Variants in RBM20 observed in about 807,000 individuals in gnomAD.
The protein encoded by RBM20 is RNA binding motif protein 20, also known as RNA-binding protein 20.
RBM20 carries 51 observed loss-of-function variants against 110.1 expected under a neutral mutation model. The observed-to-expected ratio is 0.46, with a 90% confidence interval of 0.37 to 0.59. The LOEUF is 0.59. Ranked by LOEUF, RBM20 falls within the 20% of genes least tolerant of loss-of-function variation. The probability of loss-of-function intolerance (pLI) is 0.00; values close to 1 mark genes in which losing one functional copy is unlikely to be tolerated. For synonymous variants in RBM20, 589 were observed against 618.2 expected (o/e 0.95, Z 0.70); for missense variants, 1,512 against 1,574.9 (o/e 0.96, Z 0.68).
intron 13 of RBM20, among the ~76,000 whole-genome samples, chr10:110,832,647 T>G (rs1416191148): frequency 6.6e-6 from 1 of 152,232 alleles, no homozygotes; most frequent in Admixed American, 6.5e-5. Context: ...GGTGAGTTAT[T>G]GGGCCTAGGA....
chr10:110,765,048 A>G (rs751138486), intron 1 of RBM20, among the ~76,000 whole-genome samples: 3 of 152,194 alleles, frequency 2.0e-5, no homozygotes, highest in Non-Finnish European at 4.4e-5. Context: ...GACCTAAAAC[A>G]GCTCCTCATG....
chr10:110,811,368 CCAAA>C (rs1462171943), intron 8 of RBM20, among the ~76,000 whole-genome samples: 2 of 152,216 alleles, frequency 1.3e-5, no homozygotes, highest in African/African-American at 4.8e-5. Context: ...TGCTTAATAA[CCAAA>C]CAGCCTTCAG....
intron 1 of RBM20, among the ~76,000 whole-genome samples, chr10:110,713,321 T>C (rs1862967414): frequency 6.6e-6 from 1 of 152,234 alleles, no homozygotes; most frequent in South Asian, 2.1e-4. Flanking sequence ...TTAGCTAGTA[T>C]TATAACTGTT....
At chr10:110,774,565 A>G (rs1295888163) in intron 1 of RBM20, among the ~76,000 whole-genome samples, 1 of 151,640 alleles carries the variant, frequency 6.6e-6, no homozygotes, top group Non-Finnish European at 1.5e-5. Flanking sequence ...GGACAGAGGC[A>G]GCCTGCATTC....
chr10:110,669,248 C>T (rs1358908400), intron 1 of RBM20, among the ~76,000 whole-genome samples: 1 of 152,096 alleles, frequency 6.6e-6, no homozygotes, highest in African/African-American at 2.4e-5. Flanking sequence ...TTCCAGATAG[C>T]CTGAGAGGGA....
chr10:110,774,582 C>G (rs7909374), intron 1 of RBM20, among the ~76,000 whole-genome samples: 3,105 of 152,132 alleles, frequency 0.02, 108 homozygotes, highest in African/African-American at 0.071. Context: ...ATTCCAGTCC[C>G]AGCTCTTCTC....
intron 1 of RBM20, among the ~76,000 whole-genome samples, chr10:110,662,389 A>G (rs1186859178): frequency 1.3e-5 from 2 of 152,242 alleles, no homozygotes; most frequent in African/African-American, 2.4e-5. Context: ...TGGGTCAGGC[A>G]GTTCCTTGAG....
At chr10:110,670,096 AT>A (rs1294018851) in intron 1 of RBM20, among the ~76,000 whole-genome samples, 3 of 151,170 alleles carry the variant, frequency 2.0e-5, no homozygotes, top group Non-Finnish European at 4.4e-5. Flanking sequence ...TTGAAGAGTG[AT>A]TTTTTTAGAT....
At chr10:110,767,873 C>T (rs1246624932) in intron 1 of RBM20, among the ~76,000 whole-genome samples, 1 of 152,236 alleles carries the variant, frequency 6.6e-6, no homozygotes, top group Non-Finnish European at 1.5e-5. Context: ...GGGCTCCTCA[C>T]GTCCCAGACG....
At position 110,721,517 on chromosome 10, in the gene RBM20, A is replaced by G. The variant is rs192865158; in HGVS notation, c.192-59284A>G. ...CTGGTGAGTGTGCGCATGTCTGTCC[A>G]TGTTTGGGTCTGTCCAGGCATCGTC... On this transcript the variant is annotated intron_variant, in intron 1 of 13. Coordinates refer to ENST00000369519, the MANE Select transcript of RBM20 (RefSeq NM_001134363.3). Among the ~76,000 whole-genome samples the G allele has an allele frequency of 2.9e-3, 442 of 152,158 alleles. 6 individuals carry two copies. Among genetic ancestry groups the G allele is most frequent in the African/African-American group, 9.9e-3 (409 of 41,512 alleles).
At chr10:110,746,569 C>T (rs948256948) in intron 1 of RBM20, among the ~76,000 whole-genome samples, 2 of 152,262 alleles carry the variant, frequency 1.3e-5, no homozygotes, top group South Asian at 2.1e-4. Context: ...TCAGTCGACC[C>T]CGAGTATTTC....
intron 1 of RBM20, among the ~76,000 whole-genome samples, chr10:110,686,469 A>T (rs1252821314): frequency 6.6e-6 from 1 of 152,028 alleles, no homozygotes; most frequent in Non-Finnish European, 1.5e-5. Flanking sequence ...TGTGCTTTTT[A>T]AAAATGGAAA....
intron 12 of RBM20, 130 bp downstream of exon 12, chr10:110,823,744 G>A: frequency 1.0e-6 from 1 of 955,570 alleles, no homozygotes. Context: ...TTGAGACAAG[G>A]TCTCACTCTG....
intron 1 of RBM20, among the ~76,000 whole-genome samples, chr10:110,731,002 T>C (rs1293975045): frequency 6.6e-6 from 1 of 152,234 alleles, no homozygotes; most frequent in Non-Finnish European, 1.5e-5. Context: ...TCTTTAACCA[T>C]TGTGTAACTT....
chr10:110,833,390 G>GGAAAAAAAAAAAAA (rs1272026300), intron 13 of RBM20, among the ~76,000 whole-genome samples: 2 of 62,202 alleles, frequency 3.2e-5, no homozygotes, highest in East Asian at 5.9e-4. Context: ...CTCTGTCTCA[G>GGAAAAAAAAAAAAA]AAAAAAAAAA....
At chr10:110,758,179 T>G (rs1311154338) in intron 1 of RBM20, among the ~76,000 whole-genome samples, 1 of 151,822 alleles carries the variant, frequency 6.6e-6, no homozygotes, top group East Asian at 1.9e-4. Flanking sequence ...CCACCACACC[T>G]GGCTAATTTT....
chr10:110,644,267 G>A (rs963531788), upstream of RBM20: 3 of 382,658 alleles, frequency 7.8e-6, no homozygotes, highest in East Asian at 4.1e-5. This position sits in a 1 kb window ranked among gnomAD's most constrained non-coding sequence, Gnocchi z 4.3. Context: ...CGGCCGGGAC[G>A]AGCTGGAGCA....
chr10:110,657,915 A>G (rs1368807229), intron 1 of RBM20, among the ~76,000 whole-genome samples: 1 of 152,240 alleles, frequency 6.6e-6, no homozygotes, highest in East Asian at 1.9e-4. Flanking sequence ...AACGTCTTCA[A>G]ATTTTTATTA....
chr10:110,744,076 C>G (rs1306892016), intron 1 of RBM20, among the ~76,000 whole-genome samples: 8 of 152,146 alleles, frequency 5.3e-5, no homozygotes, highest in Non-Finnish European at 1.0e-4. Flanking sequence ...GTCACATTTC[C>G]TGAGTTTGAG....
Sources: gnomAD v4.1 joint callset for allele counts (sites outside exome capture counted in the v4.1 genomes callset) on GRCh38, gnomAD v4.1.1 for gene constraint, Gnocchi (gnomAD v3.1) non-coding constraint, MANE v1.5 for transcripts, NCBI Gene and HGNC (gene_info 2026-07-23, HGNC 2026-07-21) for gene names.